UBA2: variants seen among roughly 807,000 people sequenced by gnomAD.
UBA2 encodes ubiquitin like modifier activating enzyme 2.
In UBA2, 11 loss-of-function variants were observed where a neutral mutation model predicts 77.2. That is an observed-to-expected ratio of 0.14 (90% CI 0.09 to 0.24). The LOEUF (loss-of-function observed/expected upper bound fraction) is 0.24, where lower values mean the gene tolerates loss of function less well. UBA2 is among the 10% of genes least tolerant of loss of function. The pLI is 1.00. For missense variants in UBA2, 487 were observed against 781.7 expected, an observed-to-expected ratio of 0.62 and a Z score of 4.50; for synonymous variants, 278 against 276.7, an observed-to-expected ratio of 1.00 and a Z score of -0.05.
chr19:34,449,065 CTTTTTTTTTTT>C (rs11332668), intron 8 of UBA2, among the ~76,000 whole-genome samples: 1 of 73,818 alleles, frequency 1.4e-5, no homozygotes, highest in Non-Finnish European at 2.4e-5. Context: ...AAATATAAAT[CTTTTTTTTTTT>C]TTTTTTTTTT....
intron 13 of UBA2, among the ~76,000 whole-genome samples, chr19:34,460,083 T>C (rs956214946): frequency 6.6e-6 from 1 of 152,224 alleles, no homozygotes; most frequent in African/African-American, 2.4e-5. Context: ...GGGAGACTTA[T>C]CTGAGAGTCA....
At chr19:34,445,394 T>A (rs1235087198) in intron 8 of UBA2, among the ~76,000 whole-genome samples, 2 of 152,080 alleles carry the variant, frequency 1.3e-5, no homozygotes, top group Admixed American at 1.3e-4. Context: ...TCTCTCACTT[T>A]TTACAGAACT....
At position 34,471,196 on chromosome 19, in the gene UBA2, G is replaced by C. The variant is rs1350085296; in HGVS notation, c.*1975G>C. 1 of 152,132 alleles carries C rather than the reference G, an allele frequency of 6.6e-6. No homozygotes were observed. Among genetic ancestry groups the C allele is most frequent in the African/African-American group, 2.4e-5 (1 of 41,416 alleles). 9.4% of individuals were successfully genotyped at this position (152,132 alleles called of 1,614,324 possible). ...CCCCTATTGTATTCATGTGCCCTTT[G>C]TGTTTCTGGCAATAATTTATTTTAT... On this transcript the variant is annotated 3_prime_UTR_variant, in exon 17 of 17. Coordinates refer to ENST00000246548, the MANE Select transcript of UBA2 (RefSeq NM_005499.3).
intron 1 of UBA2, 33 bp downstream of exon 1, chr19:34,428,603 G>A: frequency 1.5e-6 from 2 of 1,302,886 alleles, no homozygotes; most frequent in Non-Finnish European, 2.0e-6. Flanking sequence ...TGAATGGCGG[G>A]CTGTGGTGCG....
intron 9 of UBA2, among the ~76,000 whole-genome samples, chr19:34,450,691 T>C (rs950754380): frequency 2.6e-5 from 4 of 152,108 alleles, no homozygotes; most frequent in African/African-American, 7.2e-5. Flanking sequence ...TGTAGTGTTT[T>C]TGTATTTTCC....
At chr19:34,435,063 G>T in intron 5 of UBA2, 95 bp downstream of exon 5, 1 of 890,020 alleles carries the variant, frequency 1.1e-6, no homozygotes, top group Non-Finnish European at 1.7e-6. Flanking sequence ...AAATGAACAG[G>T]TGAACATCCA....
chr19:34,445,176 A>G, intron 8 of UBA2, 55 bp downstream of exon 8: 2 of 1,542,374 alleles, frequency 1.3e-6, no homozygotes, highest in Non-Finnish European at 1.8e-6. Context: ...GCATAGATGT[A>G]TTGTTCTAGT....
intron 8 of UBA2, among the ~76,000 whole-genome samples, chr19:34,449,639 T>C (rs2075471021): frequency 6.6e-6 from 1 of 152,348 alleles, no homozygotes. Flanking sequence ...TTCTAACACA[T>C]CTTTTCATAT....
chr19:34,457,176 AAAAATATATATATATAT>A lies in UBA2; in HGVS notation c.1246-1591_1246-1575del, dbSNP rs1264855801. On this transcript the variant is annotated intron_variant, in intron 12 of 16. Coordinates refer to ENST00000246548, the MANE Select transcript of UBA2 (RefSeq NM_005499.3). The stretch of plus-strand genomic sequence containing the variant: ...AAACCTGGTCTCTACTAAAAAAAAA[AAAAATATATATATATAT>A]ATATATATATATATATATATAAAAT... Among the ~76,000 whole-genome samples the A allele has an allele frequency of 1.6e-3, 159 of 100,184 alleles. 6 individuals carry two copies. Among genetic ancestry groups the A allele is most frequent in the African/African-American group, 8.0e-3 (153 of 19,190 alleles). 65.7% of individuals were successfully genotyped at this position (100,184 alleles called of 152,430 possible).
chr19:34,441,006 G>A (rs2075363370), intron 6 of UBA2, among the ~76,000 whole-genome samples: 1 of 151,542 alleles, frequency 6.6e-6, no homozygotes, highest in African/African-American at 2.4e-5. Flanking sequence ...TGTCTATTCA[G>A]GAATACAAGC....
intron 6 of UBA2, among the ~76,000 whole-genome samples, chr19:34,441,726 G>A (rs574108322): frequency 1.3e-5 from 2 of 151,992 alleles, no homozygotes; most frequent in East Asian, 3.9e-4. Flanking sequence ...TTTGAGAACT[G>A]CCTGGGCAAC....
At chr19:34,451,736 C>T (rs981377044) in intron 9 of UBA2, among the ~76,000 whole-genome samples, 3 of 151,592 alleles carry the variant, frequency 2.0e-5, no homozygotes, top group Admixed American at 1.3e-4. Flanking sequence ...TTAGTAGAGA[C>T]GGGGTTTCAC....
intron 8 of UBA2, among the ~76,000 whole-genome samples, chr19:34,448,730 T>G (rs1428733552): frequency 6.6e-6 from 1 of 152,112 alleles, no homozygotes; most frequent in African/African-American, 2.4e-5. Context: ...TGTAGATAAG[T>G]AGAGAGGTTT....
intron 8 of UBA2, among the ~76,000 whole-genome samples, chr19:34,446,860 C>T (rs1317864393): frequency 6.6e-6 from 1 of 152,150 alleles, no homozygotes; most frequent in Non-Finnish European, 1.5e-5. Flanking sequence ...CCTGCCTCGG[C>T]CTCCCAAAGT....
At chr19:34,447,551 A>G (rs892452591) in intron 8 of UBA2, among the ~76,000 whole-genome samples, 7 of 152,222 alleles carry the variant, frequency 4.6e-5, no homozygotes, top group Non-Finnish European at 7.4e-5. Flanking sequence ...TGCATCTCCA[A>G]TCTGTTATTT....
intron 12 of UBA2, among the ~76,000 whole-genome samples, chr19:34,456,788 C>A (rs1313276172): frequency 6.6e-6 from 1 of 151,920 alleles, no homozygotes; most frequent in Non-Finnish European, 1.5e-5. Context: ...GAACTCCTGA[C>A]CTCAGGTGAT....
intron 8 of UBA2, among the ~76,000 whole-genome samples, chr19:34,446,812 G>C (rs2075437107): frequency 6.6e-6 from 1 of 151,916 alleles, no homozygotes; most frequent in African/African-American, 2.4e-5. Context: ...TCACCATATT[G>C]GCCAGGCTGG....
chr19:34,438,494 AAG>A, intron 5 of UBA2, 149 bp from the exon 6 acceptor site: 1 of 963,348 alleles, frequency 1.0e-6, no homozygotes. Context: ...GTTTATCATA[AAG>A]TAAGCATTTT....
chr19:34,457,179 A>AAAATATATAT (rs1262007864), intron 12 of UBA2, among the ~76,000 whole-genome samples: 57 of 53,220 alleles, frequency 1.1e-3, no homozygotes, highest in African/African-American at 4.0e-3. Flanking sequence ...AAAAAAAAAA[A>AAAATATATAT]ATATATATAT....
Sources: gnomAD v4.1 joint callset for allele counts (sites outside exome capture counted in the v4.1 genomes callset) on GRCh38, gnomAD v4.1.1 for gene constraint, MANE v1.5 for transcripts, NCBI Gene and HGNC (gene_info 2026-07-23, HGNC 2026-07-21) for gene names.